The following EDIL3 variants were observed in gnomAD, a reference collection of about 807,000 sequenced individuals.
EDIL3 encodes the protein EGF like and discoidin domains 3.
EDIL3 carries 37 observed loss-of-function variants against 67.4 expected under a neutral mutation model. The observed-to-expected ratio is 0.55, with a 90% CI of 0.42 to 0.72. EDIL3 has a LOEUF of 0.72. Ranked by LOEUF, EDIL3 falls within the 30% of genes least tolerant of loss-of-function variation. The pLI is 0.00. For missense variants in EDIL3, 527 were observed against 586.3 expected (o/e 0.90, Z 1.04); for synonymous variants, 195 against 196.3 (o/e 0.99, Z 0.05).
chr5:84,149,974 A>G (rs1208651039), intron 4 of EDIL3, among the ~76,000 whole-genome samples: 2 of 152,120 alleles, frequency 1.3e-5, no homozygotes, highest in Admixed American at 6.5e-5. Flanking sequence ...AGTTAGTCTA[A>G]AATAGATGTG....
At chr5:84,024,778 C>T (rs1745782151) in intron 9 of EDIL3, among the ~76,000 whole-genome samples, 1 of 147,166 alleles carries the variant, frequency 6.8e-6, no homozygotes, top group Non-Finnish European at 1.5e-5. Context: ...CCCATTAGCA[C>T]CCTTAAGAAC....
chr5:84,090,676 G>C (rs1281370426), intron 6 of EDIL3, among the ~76,000 whole-genome samples: 1 of 152,076 alleles, frequency 6.6e-6, no homozygotes, highest in Non-Finnish European at 1.5e-5. Context: ...GGCCAGGCAT[G>C]GTGGCTCATG....
At chr5:84,135,463 T>C (rs1051674398) in intron 5 of EDIL3, among the ~76,000 whole-genome samples, 2 of 152,230 alleles carry the variant, frequency 1.3e-5, no homozygotes, top group African/African-American at 4.8e-5. Context: ...CATCAGTTTT[T>C]TTGTTCATCA....
At chr5:84,194,796 T>C (rs1743668261) in intron 3 of EDIL3, among the ~76,000 whole-genome samples, 2 of 151,888 alleles carry the variant, frequency 1.3e-5, no homozygotes, top group South Asian at 4.1e-4. Flanking sequence ...ATAAAAGAAA[T>C]CATGCCTACT....
At chr5:84,242,315 A>G (rs1337199634) in intron 2 of EDIL3, among the ~76,000 whole-genome samples, 1 of 152,068 alleles carries the variant, frequency 6.6e-6, no homozygotes, top group African/African-American at 2.4e-5. Context: ...TAAGGTGGAG[A>G]GAGATTAAGT....
chr5:84,348,104 G>A (rs1466324642), intron 1 of EDIL3, among the ~76,000 whole-genome samples: 1 of 152,164 alleles, frequency 6.6e-6, no homozygotes, highest in East Asian at 1.9e-4. Context: ...TAAACAGAGT[G>A]ATTATTAAGC....
chr5:84,382,120 G>A (rs1223654081), intron 1 of EDIL3, among the ~76,000 whole-genome samples: 2 of 152,340 alleles, frequency 1.3e-5, no homozygotes, highest in Middle Eastern at 3.4e-3. Context: ...AGTTTTAACA[G>A]AAAGGGCTAA....
chr5:84,060,314 A>T lies in EDIL3; in HGVS notation c.1123T>A (p.Ser375Thr), dbSNP rs1182797018. ...GAAAACTTTACCTGTAACCATTGTG[A>T]CTGGTCATTGTGGCCAGAGGTCCAG... ...NAWTSGHNDQSQWLQVDLLVP... is the reference protein window; with the variant it reads ...NAWTSGHNDQTQWLQVDLLVP... Residue 375 changes from serine to threonine, a missense_variant, in exon 9 of 11, where the codon TCA becomes ACA. Around this residue, in one of 2 missense-constraint regions of EDIL3, gnomAD observed 494 missense variants for 522.5 expected, o/e 0.95. Transcript: ENST00000296591. 1.2e-6 allele frequency: 2 copies of T among 1,613,554 alleles called. No homozygotes were observed. Among genetic ancestry groups the T allele is most frequent in the African/African-American group, 2.7e-5 (2 of 74,894 alleles).
At chr5:84,193,040 C>A (rs1444312011) in intron 3 of EDIL3, among the ~76,000 whole-genome samples, 1 of 151,718 alleles carries the variant, frequency 6.6e-6, no homozygotes, top group East Asian at 1.9e-4. Flanking sequence ...ACAGGCACAG[C>A]AAGGATAAAG....
chr5:84,350,811 A>C (rs1747340088), intron 1 of EDIL3, among the ~76,000 whole-genome samples: 1 of 152,158 alleles, frequency 6.6e-6, no homozygotes, highest in African/African-American at 2.4e-5. Flanking sequence ...TCTAGTAGCC[A>C]CATTAAAAAC....
intron 1 of EDIL3, among the ~76,000 whole-genome samples, chr5:84,329,814 G>A (rs2112164531): frequency 6.6e-6 from 1 of 152,032 alleles, no homozygotes; most frequent in East Asian, 1.9e-4. Flanking sequence ...TTCACATATT[G>A]TATTCACAAC....
intron 9 of EDIL3, among the ~76,000 whole-genome samples, chr5:83,994,449 A>G (rs977541445): frequency 2.0e-5 from 3 of 152,118 alleles, no homozygotes; most frequent in African/African-American, 7.2e-5. Flanking sequence ...TTTAGCAAAA[A>G]AAAAAATTGC....
intron 1 of EDIL3, among the ~76,000 whole-genome samples, chr5:84,317,649 G>T (rs1330254183): frequency 1.3e-5 from 2 of 151,976 alleles, no homozygotes; most frequent in Non-Finnish European, 2.9e-5. Flanking sequence ...TTTCTATTTT[G>T]ATAGAAAGTA....
At chr5:84,101,787 C>CGAGGAA (rs1475934376) in intron 6 of EDIL3, among the ~76,000 whole-genome samples, 1 of 151,878 alleles carries the variant, frequency 6.6e-6, no homozygotes, top group Non-Finnish European at 1.5e-5. Flanking sequence ...TCCAAACAAT[C>CGAGGAA]GAGGAAGAGG....
intron 1 of EDIL3, among the ~76,000 whole-genome samples, chr5:84,319,484 C>CAAA (rs1561255903): frequency 9.6e-5 from 2 of 20,808 alleles, no homozygotes; most frequent in Non-Finnish European, 1.1e-4. Context: ...AAACAAAAAA[C>CAAA]AAAAAACAAC....
chr5:84,279,654 A>G (rs943049387), intron 1 of EDIL3, among the ~76,000 whole-genome samples: 5 of 152,176 alleles, frequency 3.3e-5, no homozygotes, highest in African/African-American at 1.2e-4. Context: ...GGTCTAAAAA[A>G]GAGCTTTGCC....
intron 1 of EDIL3, among the ~76,000 whole-genome samples, chr5:84,305,434 T>C (rs1288677936): frequency 2.0e-5 from 3 of 152,204 alleles, no homozygotes; most frequent in African/African-American, 2.4e-5. Flanking sequence ...TTAGTTCTAT[T>C]GTCATTGATC....
chr5:84,132,421 A>ATATAATATATATTTTAACATATATTATG (rs1747996927), intron 5 of EDIL3, among the ~76,000 whole-genome samples: 2 of 64,050 alleles, frequency 3.1e-5, no homozygotes, highest in African/African-American at 1.3e-4. Context: ...CATATATTAT[A>ATATAATATATATTTTAACATATATTATG]TATTTTATAT....
intron 3 of EDIL3, among the ~76,000 whole-genome samples, chr5:84,214,181 T>A (rs751117799): frequency 6.6e-6 from 1 of 152,186 alleles, no homozygotes; most frequent in Non-Finnish European, 1.5e-5. Flanking sequence ...ACTGAAAGAA[T>A]TACTAAGCAA....
Sources: allele counts gnomAD v4.1 joint callset (sites outside exome capture counted in the v4.1 genomes callset), GRCh38; gene constraint gnomAD v4.1.1; regional missense constraint gnomAD v4.1.1; transcripts MANE v1.5; gene names NCBI Gene and HGNC (gene_info 2026-07-23, HGNC 2026-07-21).